The following DST variants were observed in gnomAD, a reference collection of about 807,000 sequenced individuals.
DST encodes dystonin.
DST carries 253 observed loss-of-function variants against 875.2 expected under a neutral mutation model. That is an observed-to-expected ratio of 0.29 (90% confidence interval 0.26 to 0.32). The LOEUF (loss-of-function observed/expected upper bound fraction) is 0.32. Ranked by LOEUF, DST falls within the 10% of genes least tolerant of loss-of-function variation. DST has a pLI of 1.00. For missense variants in DST, 8,287 were observed against 9,111.6 expected, an observed-to-expected ratio of 0.91 and a Z score of 3.68; for synonymous variants, 3,124 against 3,197.1, an observed-to-expected ratio of 0.98 and a Z score of 0.77.
chr6:56,753,365 C>G (rs6938003), intron 4 of DST, among the ~76,000 whole-genome samples: 1 of 151,976 alleles, frequency 6.6e-6, no homozygotes, highest in Non-Finnish European at 1.5e-5. Flanking sequence ...GTTTAGAGAG[C>G]ACCAACTTCA....
Position 56,529,678 on chromosome 6 carries a change from C to T in DST, c.17365G>A (p.Asp5789Asn), listed in dbSNP as rs373523990. 1.1e-5 allele frequency: 17 copies of T among 1,613,594 alleles called. No homozygotes were observed. In the African/African-American group the frequency reaches 1.9e-4, roughly 18 times the overall value. ...LKVLSSREDK[D>N]MVQSKLDFSQ... Reference sequence around the variant, plus strand: ...AAGTCTAATTTACTCTGCACCATATCTTTATCCTCCCTGGAGCTCAAAACC... The same window carrying T: ...AAGTCTAATTTACTCTGCACCATATTTTTATCCTCCCTGGAGCTCAAAACC... Residue 5789 changes from aspartate (D) to asparagine (N), a missense_variant, in exon 66 of 104, where the codon GAT (aspartate) becomes AAT (asparagine). Around this residue, in one of 10 missense-constraint regions of DST, gnomAD observed 777 missense variants for 764.8 expected, o/e 1.02. Coordinates refer to ENST00000680361, the MANE Select transcript of DST (RefSeq NM_001374736.1).
At chr6:56,948,830 C>T (rs573800998) in intron 2 of DST, among the ~76,000 whole-genome samples, 1 of 152,184 alleles carries the variant, frequency 6.6e-6, no homozygotes, top group African/African-American at 2.4e-5. Flanking sequence ...GCCTTAAGCA[C>T]CTAGAAGACA....
intron 5 of DST, among the ~76,000 whole-genome samples, chr6:56,723,071 G>A (rs982573725): frequency 1.3e-5 from 2 of 152,230 alleles, no homozygotes; most frequent in Non-Finnish European, 1.5e-5. Context: ...GAAAAACGTG[G>A]TGAAGGAGGA....
intron 3 of DST, among the ~76,000 whole-genome samples, chr6:56,881,299 C>T (rs906476198): frequency 6.6e-6 from 1 of 151,488 alleles, no homozygotes; most frequent in Non-Finnish European, 1.5e-5. Context: ...ATAGTGAAAC[C>T]GCATCTCTAC....
rs765310351 is a variant in DST, at chr6:56,463,674, C to A, written c.22850G>T (p.Arg7617Leu). Residue 7617 changes from arginine (R) to leucine (L), a missense_variant, in exon 101 of 104, where the codon CGA becomes CTA. By Grantham distance (102) the Arg-to-Leu change is moderately radical. Around this residue, in one of 10 missense-constraint regions of DST, gnomAD observed 64 missense variants for 86.2 expected, o/e 0.74. Transcript: ENST00000680361. Reference sequence around the variant, plus strand: ...GCCTCGTGATGATGGCCGGGATCTTCGGCCTCGGGGTCGGAAAGCAGCCAT... The same window carrying A: ...GCCTCGTGATGATGGCCGGGATCTTAGGCCTCGGGGTCGGAAAGCAGCCAT... ...QGMAAFRPRG[R>L]RSRPSSRGAS... 4.3e-6 allele frequency: 7 copies of A among 1,613,846 alleles called. No homozygotes were observed. The highest frequency in any genetic ancestry group is 5.9e-6 in the Non-Finnish European group (7 of 1,179,898).
At chr6:56,542,469 A>G (rs1320693268) in intron 61 of DST, 2 of 144,034 alleles carry the variant, frequency 1.4e-5, no homozygotes, top group African/African-American at 5.2e-5. Flanking sequence ...ATTTCCAAAG[A>G]TTCTTATCTG....
At chr6:56,762,096 A>C (rs1250743411) in intron 4 of DST, among the ~76,000 whole-genome samples, 1 of 151,934 alleles carries the variant, frequency 6.6e-6, no homozygotes, top group Non-Finnish European at 1.5e-5. Context: ...TCTCAACTTA[A>C]TGCAACCTCC....
Position 56,608,999 on chromosome 6 carries a change from G to A in DST, c.5629C>T (p.Leu1877Phe), listed in dbSNP as rs1259361921. Residue 1877 changes from leucine (L) to phenylalanine (F), a missense_variant, in exon 40 of 104, where the codon CTT (leucine) becomes TTT (phenylalanine). Leu to Phe is a conservative substitution (Grantham distance 22). Transcript: ENST00000680361. ...SMAIKVLEIL[L>F]STGSLVIPAT... The stretch of plus-strand genomic sequence containing the variant: ...GGAATAACCAGAGAGCCTGTAGAAA[G>A]CAGTATCTCAAGAACTTTGATGGCC... 2.5e-6 allele frequency: 4 copies of A among 1,613,798 alleles called. No homozygotes were observed. Among genetic ancestry groups the A allele is most frequent in the South Asian group, 2.2e-5 (2 of 91,078 alleles).
At chr6:56,536,455 A>G (rs143473469) in intron 62 of DST, among the ~76,000 whole-genome samples, 86 of 152,356 alleles carry the variant, frequency 5.6e-4, no homozygotes, top group African/African-American at 2.0e-3. Context: ...CTACATGTCA[A>G]TGATCTTCTG....
intron 4 of DST, among the ~76,000 whole-genome samples, chr6:56,831,784 CA>C (rs1419561310): frequency 6.6e-6 from 1 of 151,792 alleles, no homozygotes; most frequent in Non-Finnish European, 1.5e-5. Flanking sequence ...CCAGTTTTTC[CA>C]GGGAAAGACT....
chr6:56,570,559 T>A (rs973089), intron 53 of DST, among the ~76,000 whole-genome samples: 1 of 152,080 alleles, frequency 6.6e-6, no homozygotes, highest in African/African-American at 2.4e-5. Flanking sequence ...CAGGCAGCAA[T>A]GTGAGAGATG....
chr6:56,598,921 G>A (rs887651454), intron 45 of DST, among the ~76,000 whole-genome samples: 11 of 152,022 alleles, frequency 7.2e-5, no homozygotes, highest in African/African-American at 1.7e-4. Flanking sequence ...GAATTTTCAT[G>A]TTTAACGAAA....
intron 4 of DST, among the ~76,000 whole-genome samples, chr6:56,827,224 G>A (rs964259784): frequency 3.3e-5 from 5 of 152,072 alleles, no homozygotes; most frequent in African/African-American, 1.2e-4. Context: ...TTTAAAAAAT[G>A]GTAAAACAGG....
chr6:56,746,967 G>A (rs1401954037), intron 4 of DST, among the ~76,000 whole-genome samples: 10 of 152,094 alleles, frequency 6.6e-5, no homozygotes. Flanking sequence ...GACAGGGGAG[G>A]GGTGAGAGTT....
intron 102 of DST, chr6:56,461,272 T>C (rs966620797): frequency 6.6e-6 from 1 of 152,236 alleles, no homozygotes; most frequent in African/African-American, 2.4e-5. Context: ...ATATGTGATT[T>C]GTATACATAG....
chr6:56,619,816 T>C (rs1011924440), intron 36 of DST: 1 of 1,614,074 alleles, frequency 6.2e-7, no homozygotes, highest in Non-Finnish European at 8.5e-7. Flanking sequence ...GTTTATCTTT[T>C]AGCAAACGAG....
chr6:56,599,715 A>G (rs1478705033), intron 45 of DST, among the ~76,000 whole-genome samples: 1 of 152,116 alleles, frequency 6.6e-6, no homozygotes, highest in African/African-American at 2.4e-5. Context: ...AGAAAGAGAA[A>G]GAACCCAAAG....
rs1297867876 is a variant in DST, at chr6:56,553,573, C to T, written c.15219G>A (p.Leu5073=). 2 of 1,613,792 alleles carry T rather than the reference C, an allele frequency of 1.2e-6. No individual in the cohort carries two copies. The highest frequency in any genetic ancestry group is 8.5e-7 in the Non-Finnish European group (1 of 1,179,850). The part of the protein sequence containing the change: ...QQMSRDFQAW[L]DTKKEEQNKS... ...TGTTTTGCTCTTCTTTCTTTGTATC[C>T]AGCCAAGCCTGAAAATCTCTAGACA... The change falls in exon 61 of 104, where the codon CTG becomes CTA. Residue 5073 remains leucine (L), a synonymous_variant. Transcript: ENST00000680361.
chr6:56,482,953 A>G (rs1365325486), intron 88 of DST, 76 bp from the exon 89 acceptor site: 2 of 1,118,074 alleles, frequency 1.8e-6, no homozygotes, highest in African/African-American at 3.2e-5. Flanking sequence ...TGAGATATAT[A>G]TGTGCACATA....
Sources: gnomAD v4.1 joint callset for allele counts (sites outside exome capture counted in the v4.1 genomes callset) on GRCh38, gnomAD v4.1.1 for gene constraint, gnomAD v4.1.1 regional missense constraint, MANE v1.5 for transcripts, NCBI Gene and HGNC (gene_info 2026-07-23, HGNC 2026-07-21) for gene names.